ADAMTS6: variants seen among roughly 807,000 people sequenced by gnomAD.
The protein encoded by ADAMTS6 is ADAM metallopeptidase with thrombospondin type 1 motif 6.
ADAMTS6 carries 23 observed loss-of-function variants against 144.3 expected under a neutral mutation model. The ratio of observed to expected loss-of-function variants is 0.16; its 90% CI spans 0.11 to 0.23. ADAMTS6 has a LOEUF of 0.23. Ranked by LOEUF, ADAMTS6 falls within the 10% of genes least tolerant of loss-of-function variation. The pLI is 1.00. For missense variants in ADAMTS6, 999 were observed against 1,379.6 expected, an observed-to-expected ratio of 0.72 and a Z score of 4.37; for synonymous variants, 444 against 457.5, an observed-to-expected ratio of 0.97 and a Z score of 0.38.
At chr5:65,379,027 T>C (rs1182811623) in intron 7 of ADAMTS6, among the ~76,000 whole-genome samples, 7 of 152,200 alleles carry the variant, frequency 4.6e-5, no homozygotes, top group African/African-American at 1.7e-4. Flanking sequence ...TTTTTCATAA[T>C]TATAAGATAC....
At chr5:65,337,243 T>A (rs1747392182) in intron 7 of ADAMTS6, among the ~76,000 whole-genome samples, 1 of 152,160 alleles carries the variant, frequency 6.6e-6, no homozygotes, top group African/African-American at 2.4e-5. Context: ...AATATCATGT[T>A]ACCTGCACAT....
chr5:65,309,548 G>A (rs562732639), intron 9 of ADAMTS6, among the ~76,000 whole-genome samples: 113 of 151,730 alleles, frequency 7.4e-4, no homozygotes, highest in Non-Finnish European at 1.2e-3. Context: ...CCCACTGTGC[G>A]GCCCAGTTCC....
intron 15 of ADAMTS6, among the ~76,000 whole-genome samples, chr5:65,240,215 C>G (rs1253595532): frequency 1.3e-5 from 2 of 152,044 alleles, no homozygotes; most frequent in East Asian, 3.9e-4. Flanking sequence ...AGTGATTCTC[C>G]CGCCTCAGCC....
At chr5:65,168,007 C>G (rs1346617245) in intron 24 of ADAMTS6, among the ~76,000 whole-genome samples, 1 of 145,602 alleles carries the variant, frequency 6.9e-6, no homozygotes, top group African/African-American at 2.6e-5. Flanking sequence ...CGCTCCTATT[C>G]AACATAGTGT....
intron 7 of ADAMTS6, among the ~76,000 whole-genome samples, chr5:65,346,953 T>C (rs1748380973): frequency 6.7e-6 from 1 of 148,358 alleles, no homozygotes; most frequent in Non-Finnish European, 1.5e-5. Context: ...TACAATACCA[T>C]TAAAAAAAAA....
intron 13 of ADAMTS6, 116 bp from the exon 14 acceptor site, chr5:65,260,779 C>T (rs969539634): frequency 8.9e-5 from 61 of 689,166 alleles, no homozygotes; most frequent in Non-Finnish European, 1.3e-4. Context: ...TATCATTTGA[C>T]ATGTTTTAAT....
intron 7 of ADAMTS6, among the ~76,000 whole-genome samples, chr5:65,397,653 G>C (rs1263316165): frequency 6.6e-6 from 1 of 152,006 alleles, no homozygotes; most frequent in South Asian, 2.1e-4. Flanking sequence ...CAGGAGACCA[G>C]ATTGCTTGAG....
chr5:65,248,697 G>A (rs1463324051), intron 14 of ADAMTS6, among the ~76,000 whole-genome samples: 1 of 152,032 alleles, frequency 6.6e-6, no homozygotes, highest in Non-Finnish European at 1.5e-5. Flanking sequence ...TGAGGTGAGA[G>A]GATTGCTTGA....
intron 24 of ADAMTS6, among the ~76,000 whole-genome samples, chr5:65,153,466 T>C (rs1400946971): frequency 6.6e-6 from 1 of 152,224 alleles, no homozygotes; most frequent in Non-Finnish European, 1.5e-5. Context: ...ACTCAACGTG[T>C]AACATGTAAG....
intron 7 of ADAMTS6, among the ~76,000 whole-genome samples, chr5:65,356,667 G>T (rs890077995): frequency 6.6e-6 from 1 of 151,728 alleles, no homozygotes; most frequent in South Asian, 2.1e-4. Flanking sequence ...TCCCCTCTGC[G>T]TATGTCTCTT....
At chr5:65,366,386 G>C (rs557500084) in intron 7 of ADAMTS6, among the ~76,000 whole-genome samples, 3 of 152,096 alleles carry the variant, frequency 2.0e-5, no homozygotes, top group Non-Finnish European at 4.4e-5. Context: ...CAATGGGAAG[G>C]AAAAGAAAAT....
At chr5:65,479,872 C>T (rs1435818237) in intron 1 of ADAMTS6, among the ~76,000 whole-genome samples, 1 of 152,174 alleles carries the variant, frequency 6.6e-6, no homozygotes, top group Non-Finnish European at 1.5e-5. Flanking sequence ...ACTACACAGA[C>T]TTCATTTGCA....
At chr5:65,240,006 T>G (rs1158916531) in intron 15 of ADAMTS6, among the ~76,000 whole-genome samples, 1 of 152,160 alleles carries the variant, frequency 6.6e-6, no homozygotes, top group East Asian at 1.9e-4. Context: ...CCTAAGTATT[T>G]ACTCAAGGAA....
intron 22 of ADAMTS6, among the ~76,000 whole-genome samples, chr5:65,174,250 C>T (rs1278253899): frequency 3.9e-5 from 6 of 152,158 alleles, no homozygotes; most frequent in Middle Eastern, 3.2e-3. Flanking sequence ...TTCTTTAACT[C>T]GGTGTCTGAG....
intron 4 of ADAMTS6, among the ~76,000 whole-genome samples, chr5:65,458,503 C>T (rs1038777770): frequency 6.6e-6 from 1 of 152,178 alleles, no homozygotes; most frequent in Admixed American, 6.5e-5. Context: ...CCTCCACCTC[C>T]CGGGTTTAAG....
intron 9 of ADAMTS6, among the ~76,000 whole-genome samples, chr5:65,314,483 G>A (rs896772039): frequency 6.6e-6 from 1 of 152,096 alleles, no homozygotes; most frequent in Non-Finnish European, 1.5e-5. Flanking sequence ...AGTATTTGAA[G>A]TAATAATGGC....
intron 7 of ADAMTS6, among the ~76,000 whole-genome samples, chr5:65,403,441 A>G (rs529681803): frequency 6.6e-6 from 1 of 152,310 alleles, no homozygotes; most frequent in East Asian, 1.9e-4. Flanking sequence ...TCTTAAAATT[A>G]GCAAGATCAT....
chr5:65,376,140 T>C (rs1045499803), intron 7 of ADAMTS6, among the ~76,000 whole-genome samples: 24 of 152,154 alleles, frequency 1.6e-4, no homozygotes, highest in African/African-American at 4.3e-4. Context: ...AGGGATAGCA[T>C]TGGGAGATGT....
At chr5:65,453,963 A>C (rs994988741) in intron 4 of ADAMTS6, among the ~76,000 whole-genome samples, 2 of 152,210 alleles carry the variant, frequency 1.3e-5, no homozygotes, top group Non-Finnish European at 2.9e-5. Context: ...CTTAATTGCC[A>C]TTGAAACAGT....
Sources: gnomAD v4.1 joint callset for allele counts (sites outside exome capture counted in the v4.1 genomes callset) on GRCh38, gnomAD v4.1.1 for gene constraint, MANE v1.5 for transcripts, NCBI Gene and HGNC (gene_info 2026-07-23, HGNC 2026-07-21) for gene names.